RANBP2: variants seen among roughly 807,000 people sequenced by gnomAD.
RANBP2 encodes the protein E3 SUMO-protein ligase RanBP2.
Under a neutral mutation model 303.6 loss-of-function variants are expected in RANBP2, and 57 were observed. The observed-to-expected ratio is 0.19, with a 90% confidence interval of 0.15 to 0.23. The LOEUF is 0.23. Ranked by LOEUF, RANBP2 falls within the 10% of genes least tolerant of loss-of-function variation. The pLI is 1.00. For missense variants in RANBP2, 3,138 were observed against 3,780.8 expected, an observed-to-expected ratio of 0.83 and a Z score of 4.46; for synonymous variants, 1,167 against 1,301.5, an observed-to-expected ratio of 0.90 and a Z score of 2.23.
chr2:109,062,583 T>C, the RANBP2 span, among the ~76,000 whole-genome samples: 1 of 152,068 alleles, frequency 6.6e-6, no homozygotes, highest in Non-Finnish European at 1.5e-5. Context: ...CCCCCTCCTG[T>C]CCCCAAAGCC....
chr2:109,185,499 A>G, the RANBP2 span, among the ~76,000 whole-genome samples: 1 of 152,264 alleles, frequency 6.6e-6, no homozygotes, highest in Non-Finnish European at 1.5e-5. Context: ...GTCACAGAGC[A>G]TGTTGAAAGG....
the RANBP2 span, among the ~76,000 whole-genome samples, chr2:109,010,067 A>C: frequency 6.6e-6 from 1 of 152,128 alleles, no homozygotes; most frequent in Non-Finnish European, 1.5e-5. Flanking sequence ...TACATTGTAA[A>C]TGGATACTTC....
At chr2:108,905,574 C>T in the RANBP2 span, among the ~76,000 whole-genome samples, 1 of 152,076 alleles carries the variant, frequency 6.6e-6, no homozygotes, top group Non-Finnish European at 1.5e-5. Context: ...GTGAGCTGCC[C>T]AGCATGCACC....
the RANBP2 span, among the ~76,000 whole-genome samples, chr2:108,995,139 T>C: frequency 2.8e-3 from 428 of 152,084 alleles, 4 homozygotes; most frequent in African/African-American, 0.01. Context: ...CGCATTGGGT[T>C]TTATTTATTA....
At chr2:109,439,013 T>G in the RANBP2 span, among the ~76,000 whole-genome samples, 1 of 152,172 alleles carries the variant, frequency 6.6e-6, no homozygotes, top group East Asian at 1.9e-4. Flanking sequence ...GGCCCTGGGT[T>G]GTCTGCCCAG....
the RANBP2 span, among the ~76,000 whole-genome samples, chr2:109,427,576 G>A: frequency 6.6e-6 from 1 of 152,172 alleles, no homozygotes; most frequent in Admixed American, 6.5e-5. Flanking sequence ...CACTGGCCCA[G>A]GTTCACACTT....
the RANBP2 span, among the ~76,000 whole-genome samples, chr2:108,938,548 C>T: frequency 2.0e-5 from 3 of 152,164 alleles, no homozygotes; most frequent in African/African-American, 7.2e-5. Context: ...CACTTATCCT[C>T]ATCCCAATGT....
the RANBP2 span, among the ~76,000 whole-genome samples, chr2:108,995,378 G>T: frequency 6.6e-6 from 1 of 152,192 alleles, no homozygotes; most frequent in African/African-American, 2.4e-5. Context: ...TAAGGCAGAG[G>T]AACGATTGAT....
chr2:108,990,563 T>A, the RANBP2 span, among the ~76,000 whole-genome samples: 1 of 151,738 alleles, frequency 6.6e-6, no homozygotes, highest in African/African-American at 2.4e-5. Context: ...GCCACTGCAC[T>A]CCAGCCTGGG....
chr2:109,380,345 C>T, the RANBP2 span, among the ~76,000 whole-genome samples: 1 of 152,288 alleles, frequency 6.6e-6, no homozygotes, highest in South Asian at 2.1e-4. Context: ...GAGGCCAGAC[C>T]TGTAACTCAC....
chr2:109,078,102 A>ATATATATAGCG, the RANBP2 span, among the ~76,000 whole-genome samples: 2 of 90,126 alleles, frequency 2.2e-5, no homozygotes, highest in African/African-American at 7.7e-5. Flanking sequence ...ATATATATAT[A>ATATATATAGCG]TATATATATA....
chr2:108,739,452 T>C (rs577706440), intron 6 of RANBP2, among the ~76,000 whole-genome samples: 1 of 152,272 alleles, frequency 6.6e-6, no homozygotes, highest in African/African-American at 2.4e-5. Flanking sequence ...AAAATGAGTA[T>C]GTAAAATATA....
chr2:109,054,807 C>T, the RANBP2 span, among the ~76,000 whole-genome samples: 2 of 152,090 alleles, frequency 1.3e-5, no homozygotes, highest in South Asian at 4.2e-4. Flanking sequence ...AGTATGTTCC[C>T]TTGTCCCTTC....
chr2:109,179,011 G>GTGTC, the RANBP2 span, among the ~76,000 whole-genome samples: 1 of 148,744 alleles, frequency 6.7e-6, no homozygotes, highest in African/African-American at 2.6e-5. Context: ...TAATGTGTGT[G>GTGTC]TGTGTGTGTG....
At chr2:109,465,833 AACTC>A in the RANBP2 span, among the ~76,000 whole-genome samples, 1,709 of 152,184 alleles carry the variant, frequency 0.011, 25 homozygotes, top group African/African-American at 0.038. Flanking sequence ...GTCTCATGAG[AACTC>A]ACTCACTGTC....
At chr2:109,682,269 T>A in the RANBP2 span, among the ~76,000 whole-genome samples, 2 of 152,314 alleles carry the variant, frequency 1.3e-5, no homozygotes, top group East Asian at 3.9e-4. Flanking sequence ...CCCAGGTAAA[T>A]GTGAATCTCA....
At chr2:109,129,201 C>G in the RANBP2 span, 1 of 500,836 alleles carries the variant, frequency 2.0e-6, no homozygotes, top group Non-Finnish European at 3.7e-6. Flanking sequence ...CCGCCGCTTG[C>G]AGCACAGAAC....
chr2:108,778,126 C>CA (rs536206752), intron 25 of RANBP2, among the ~76,000 whole-genome samples: 10 of 151,966 alleles, frequency 6.6e-5, no homozygotes, highest in East Asian at 1.9e-4. Context: ...TACACTTACA[C>CA]AAAAAAAATC....
At chr2:109,070,500 T>C in the RANBP2 span, among the ~76,000 whole-genome samples, 2 of 152,080 alleles carry the variant, frequency 1.3e-5, no homozygotes, top group African/African-American at 4.8e-5. Context: ...CATGAATGGC[T>C]GCTGACATCA....
Sources: allele counts gnomAD v4.1 joint callset (sites outside exome capture counted in the v4.1 genomes callset), GRCh38; gene constraint gnomAD v4.1.1; transcripts MANE v1.5; gene names NCBI Gene and HGNC (gene_info 2026-07-23, HGNC 2026-07-21).